NAV3: variants seen among roughly 807,000 people sequenced by gnomAD.
NAV3 encodes the protein pore membrane and/or filament interacting like protein 1.
Under a neutral mutation model 244.7 loss-of-function variants are expected in NAV3, and 87 were observed. The observed-to-expected ratio is 0.36, with a 90% CI of 0.30 to 0.42. The LOEUF (loss-of-function observed/expected upper bound fraction) is 0.42, where lower values mean the gene tolerates loss of function less well. Among genes scored for constraint, NAV3 ranks in the 20% least tolerant of loss-of-function variants. The pLI is 1.00. For synonymous variants in NAV3, 1,126 were observed against 1,042.2 expected, an observed-to-expected ratio of 1.08 and a Z score of -1.55; for missense variants, 2,663 against 2,893.3, an observed-to-expected ratio of 0.92 and a Z score of 1.83.
At chr12:78,036,373 C>T (rs552700147) in intron 9 of NAV3, 1 of 155,214 alleles carries the variant, frequency 6.4e-6, no homozygotes, top group South Asian at 2.0e-4. Context: ...ACTGTGTCAG[C>T]TCGTTAGAGT....
rs1566158664 is a variant in NAV3 at position 78,118,235 on chromosome 12, T to C, written c.2978T>C (p.Met993Thr). The C allele has an allele frequency of 3.7e-6, 6 of 1,613,522 alleles. No homozygotes were observed. The East Asian group carries it at 1.1e-4, about 30-fold the overall frequency. The change falls in exon 14 of 40, where the codon ATG becomes ACG. Residue 993 changes from methionine to threonine, a missense_variant. Around this residue, in one of 6 missense-constraint regions of NAV3, gnomAD observed 1,521 missense variants for 1,497.0 expected, o/e 1.02. Coordinates refer to ENST00000397909, the MANE Select transcript of NAV3 (RefSeq NM_001024383.2). The stretch of plus-strand genomic sequence containing the variant: ...CAGACAGGTTCCTGGAGAAGAGGCA[T>C]GTCTGCCCAAGGAGGGGCGCCATCT... ...VSQTGSWRRG[M>T]SAQGGAPSRQ...
At chr12:78,041,490 T>C (rs990755670) in intron 9 of NAV3, among the ~76,000 whole-genome samples, 2 of 152,216 alleles carry the variant, frequency 1.3e-5, no homozygotes, top group Non-Finnish European at 2.9e-5. Context: ...AGTGTAAATT[T>C]GTTCATTTGG....
chr12:77,632,994 C>T (rs868638422), intron 2 of NAV3, among the ~76,000 whole-genome samples: 2 of 151,898 alleles, frequency 1.3e-5, no homozygotes, highest in African/African-American at 2.4e-5. Context: ...AATTATTTTT[C>T]AAGATATTTG....
chr12:77,859,758 CAAAAAAAAAA>C (rs61516625), intron 1 of NAV3, among the ~76,000 whole-genome samples: 1 of 68,722 alleles, frequency 1.5e-5, no homozygotes, highest in African/African-American at 4.9e-5. Context: ...CTTTCAAATG[CAAAAAAAAAA>C]AAAAAAAAAA....
intron 2 of NAV3, among the ~76,000 whole-genome samples, chr12:77,811,291 G>A (rs1381600280): frequency 2.0e-5 from 3 of 152,032 alleles, no homozygotes; most frequent in Admixed American, 6.6e-5. Flanking sequence ...TTCTGACCAG[G>A]TTTTGTAGCA....
chr12:77,608,428 G>T (rs1870765395), intron 2 of NAV3, among the ~76,000 whole-genome samples: 1 of 152,032 alleles, frequency 6.6e-6, no homozygotes, highest in South Asian at 2.1e-4. Context: ...TGTCAGTTGA[G>T]ACAGTATTAT....
At chr12:77,966,548 A>C (rs904039131) in intron 4 of NAV3, among the ~76,000 whole-genome samples, 2 of 152,146 alleles carry the variant, frequency 1.3e-5, no homozygotes, top group Middle Eastern at 3.4e-3. Flanking sequence ...GGAGTGAATC[A>C]AAAAAATATC....
chr12:77,777,090 T>C (rs936758634), intron 2 of NAV3, among the ~76,000 whole-genome samples: 15 of 152,216 alleles, frequency 9.9e-5, no homozygotes, highest in African/African-American at 3.4e-4. Context: ...TCGCTTTATC[T>C]GTGGGGACTT....
intron 2 of NAV3, among the ~76,000 whole-genome samples, chr12:77,639,094 C>T (rs1872280208): frequency 6.6e-6 from 1 of 152,156 alleles, no homozygotes. Context: ...GAGTTAGATG[C>T]AGGCAAAATG....
At chr12:77,597,938 CGG>C (rs1347646952) in intron 2 of NAV3, among the ~76,000 whole-genome samples, 2 of 151,650 alleles carry the variant, frequency 1.3e-5, no homozygotes, top group Admixed American at 1.3e-4. Flanking sequence ...AGAAGTAAAA[CGG>C]GGAATGGAAG....
chr12:78,159,944 A>T (rs1957457149), intron 23 of NAV3, among the ~76,000 whole-genome samples: 1 of 152,096 alleles, frequency 6.6e-6, no homozygotes, highest in South Asian at 2.1e-4. Context: ...AACTTTCACA[A>T]ATACATGGTC....
chr12:77,666,942 TA>T (rs1273872100), intron 2 of NAV3, among the ~76,000 whole-genome samples: 1 of 152,366 alleles, frequency 6.6e-6, no homozygotes, highest in East Asian at 1.9e-4. Context: ...GGCTATCTTA[TA>T]AATGAGACAT....
chr12:77,908,793 AG>A (rs1484943582), intron 1 of NAV3, among the ~76,000 whole-genome samples: 1 of 152,086 alleles, frequency 6.6e-6, no homozygotes, highest in Non-Finnish European at 1.5e-5. Context: ...TTTATAGATC[AG>A]ATTGTTCCTT....
intron 2 of NAV3, among the ~76,000 whole-genome samples, chr12:77,612,213 C>T (rs1870948654): frequency 6.6e-6 from 1 of 152,066 alleles, no homozygotes; most frequent in Non-Finnish European, 1.5e-5. Flanking sequence ...TACTATGTGA[C>T]TTGCATGGAA....
intron 2 of NAV3, among the ~76,000 whole-genome samples, chr12:77,668,147 T>A (rs369125820): frequency 6.6e-6 from 1 of 152,138 alleles, no homozygotes; most frequent in African/African-American, 2.4e-5. Flanking sequence ...CAGCAGCCCT[T>A]GAGTTCTGGA....
rs887799355 is a variant in NAV3, at chr12:78,021,820, T to C, written c.1981T>C (p.Ser661Pro). The C allele has an allele frequency of 1.9e-6, 3 of 1,611,206 alleles. No individual in the cohort carries two copies. In the African/African-American group the frequency reaches 4.0e-5, roughly 22 times the overall value. Reference sequence around the variant, plus strand: ...TACCAGTCCTACAAAGATGGACTTATCATATAGTAAGACTGCTAAGCAGTG... The same window carrying C: ...TACCAGTCCTACAAAGATGGACTTACCATATAGTAAGACTGCTAAGCAGTG... ...SCTSPTKMDLSYSKTAKQCLE... is the reference protein window; with the variant it reads ...SCTSPTKMDLPYSKTAKQCLE... Residue 661 changes from serine to proline, a missense_variant, in exon 9 of 40, where the codon TCA becomes CCA. Transcript: ENST00000397909.
intron 9 of NAV3, among the ~76,000 whole-genome samples, chr12:78,031,408 A>G (rs369771377): frequency 2.4e-4 from 37 of 152,212 alleles, no homozygotes; most frequent in African/African-American, 7.9e-4. Context: ...AGAACAATCT[A>G]TTCATTGACT....
intron 1 of NAV3, among the ~76,000 whole-genome samples, chr12:77,850,118 A>G (rs1877287292): frequency 6.6e-6 from 1 of 152,242 alleles, no homozygotes; most frequent in East Asian, 1.9e-4. Flanking sequence ...TTCAAGACTC[A>G]TAATATTATG....
In NAV3 at chr12:78,007,301, C is replaced by T. The variant is rs781156654; in HGVS notation, c.1763C>T (p.Ala588Val). The change falls in exon 8 of 40, where the codon GCT becomes GTT. Residue 588 changes from alanine (A) to valine (V), a missense_variant. Physicochemically the swap from Ala to Val is moderately conservative, Grantham distance 64 (BLOSUM62 0). This residue lies in a region of NAV3 where 1,521 missense variants were observed against 1,497.0 expected (regional missense o/e 1.02). Transcript: ENST00000397909. ...CCTGCCCCTTTGGAAGGAAGGGAAG[C>T]TGGCCAAGCTTCTCCTTCTGGTTCC... ...SCPAPLEGRE[A>V]GQASPSGSCT... is the part of the protein sequence containing the mutation. 1 of 1,614,084 alleles carries T rather than the reference C, an allele frequency of 6.2e-7. No homozygotes were observed. Among genetic ancestry groups the T allele is most frequent in the East Asian group, 2.2e-5 (1 of 44,870 alleles).
Sources: allele counts gnomAD v4.1 joint callset (sites outside exome capture counted in the v4.1 genomes callset), GRCh38; gene constraint gnomAD v4.1.1; regional missense constraint gnomAD v4.1.1; transcripts MANE v1.5; gene names NCBI Gene and HGNC (gene_info 2026-07-23, HGNC 2026-07-21).